The following SNED1 variants were observed in gnomAD, a reference collection of about 807,000 sequenced individuals.
The protein encoded by SNED1 is sushi, nidogen and EGF like domains 1.
A neutral mutation model predicts 166.7 loss-of-function variants in SNED1; 81 were observed. That is an observed-to-expected ratio of 0.49 (90% CI 0.41 to 0.58). SNED1 has a LOEUF of 0.58. Among genes scored for constraint, SNED1 ranks in the 20% least tolerant of loss-of-function variants. SNED1 has a pLI of 0.00. For synonymous variants in SNED1, 762 were observed against 822.0 expected, an observed-to-expected ratio of 0.93 and a Z score of 1.25; for missense variants, 1,604 against 2,000.2, an observed-to-expected ratio of 0.80 and a Z score of 3.78.
At chr2:241,034,765 G>A (rs188384964) in intron 4 of SNED1, 35 bp downstream of exon 4, 25 of 1,503,814 alleles carry the variant, frequency 1.7e-5, no homozygotes, top group East Asian at 1.3e-4. Flanking sequence ...GGGTGGGAGC[G>A]GGCTGAGGAA....
At position 240,998,797 on chromosome 2, in the gene SNED1, C is replaced by T. The variant is rs925090227; in HGVS notation, c.-41C>T. ...CGCGCGCAGCCTAGTCCCCCAGCGCCCTGCTCCGCCAGCGCCCCGTCCCGC... is the reference window on the plus strand; with the variant it reads ...CGCGCGCAGCCTAGTCCCCCAGCGCTCTGCTCCGCCAGCGCCCCGTCCCGC... On this transcript the variant is annotated 5_prime_UTR_variant, in exon 1 of 32. Coordinates refer to ENST00000310397, the MANE Select transcript of SNED1 (RefSeq NM_001080437.3). The T allele has an allele frequency of 7.4e-6, 8 of 1,074,092 alleles. No individual in the cohort carries two copies. The African/African-American group carries it at 1.2e-4, about 16-fold the overall frequency. 66.5% of individuals were successfully genotyped at this position (1,074,092 alleles called of 1,614,324 possible).
chr2:241,028,403 A>G (rs2061051846), intron 1 of SNED1, among the ~76,000 whole-genome samples: 1 of 152,130 alleles, frequency 6.6e-6, no homozygotes, highest in East Asian at 1.9e-4. Flanking sequence ...TGTTTCTTCT[A>G]AGAGTTTTAC....
chr2:241,068,680 C>T lies in SNED1; in HGVS notation c.3195-231C>T, dbSNP rs1221252240. Among the ~76,000 whole-genome samples, 2 of 152,138 alleles carry T rather than the reference C, an allele frequency of 1.3e-5. No individual in the cohort carries two copies. Among genetic ancestry groups the T allele is most frequent in the African/African-American group, 4.8e-5 (2 of 41,424 alleles). On this transcript the variant is annotated intron_variant, in intron 22 of 31. Transcript: ENST00000310397. The surrounding 1 kb of genome is among the most constrained non-coding windows in gnomAD (Gnocchi z 5.3). ...GCCCTCTGACCATACTGTAGCAGCC[C>T]CAAGCGCACCCGATCCTCCTCCGCT...
rs763904658 is a variant in SNED1 at position 241,036,925 on chromosome 2, T to G, written c.931+10T>G. ...CGGAGGTGCCACCTGGGTGAGTGACTGGCCCAGGGCGGGACCACCCGCTGG... is the reference window on the plus strand; with the variant it reads ...CGGAGGTGCCACCTGGGTGAGTGACGGGCCCAGGGCGGGACCACCCGCTGG... On this transcript the variant is annotated intron_variant, in intron 5 of 31. Coordinates refer to ENST00000310397, the MANE Select transcript of SNED1 (RefSeq NM_001080437.3). 2 of 1,606,448 alleles carry G rather than the reference T, an allele frequency of 1.2e-6. No individual in the cohort carries two copies. Among genetic ancestry groups the G allele is most frequent in the African/African-American group, 2.7e-5 (2 of 74,798 alleles).
intron 1 of SNED1, among the ~76,000 whole-genome samples, chr2:241,017,769 G>A (rs1199350789): frequency 6.6e-6 from 1 of 152,198 alleles, no homozygotes; most frequent in African/African-American, 2.4e-5. Context: ...ACCCTCAGGG[G>A]CCCAGGCACA....
chr2:241,087,628 T>C (rs1349256580), intron 30 of SNED1, 153 bp downstream of exon 30: 4 of 1,438,228 alleles, frequency 2.8e-6, no homozygotes, highest in African/African-American at 2.9e-5. Context: ...CACGTTCTGC[T>C]ACGAAACTGT....
At chr2:241,053,003 G>A in intron 15 of SNED1, 150 bp from the exon 16 acceptor site, 1 of 706,890 alleles carries the variant, frequency 1.4e-6, no homozygotes, top group Non-Finnish European at 2.3e-6. Flanking sequence ...CGGCAACCAG[G>A]CCCCAGAAGT....
chr2:241,065,295 G>A lies in SNED1; in HGVS notation c.2714-4G>A. The A allele has an allele frequency of 6.2e-7, 1 of 1,612,482 alleles. No homozygotes were observed. The highest frequency in any genetic ancestry group is 8.5e-7 in the Non-Finnish European group (1 of 1,179,812). On this transcript the variant is annotated splice_polypyrimidine_tract_variant and splice_region_variant and intron_variant, in intron 20 of 31. Coordinates refer to ENST00000310397, the MANE Select transcript of SNED1 (RefSeq NM_001080437.3). The stretch of plus-strand genomic sequence containing the variant: ...CTCCCCTTGTTTTGACCCAAACCCT[G>A]AAGAGCTCTTCCCACCGACGGCCCT...
Position 241,068,960 on chromosome 2 carries a change from G to T in SNED1, c.3244G>T (p.Gly1082Trp). 6.4e-7 allele frequency: 1 copy of T among 1,556,566 alleles called. No homozygotes were observed. The highest frequency in any genetic ancestry group is 1.2e-5 in the South Asian group (1 of 84,318). Residue 1082 changes from glycine to tryptophan, a missense_variant, in exon 23 of 32, where the codon GGG (glycine) becomes TGG (tryptophan). Around this residue, in one of 2 missense-constraint regions of SNED1, gnomAD observed 1,237 missense variants for 1,620.8 expected, o/e 0.76. Transcript: ENST00000310397. This position sits in a 1 kb window ranked among gnomAD's most constrained non-coding sequence, Gnocchi z 5.3. ...RYTIQLTTLSGLRGEEHPTES... is the reference protein window; with the variant it reads ...RYTIQLTTLSWLRGEEHPTES... ...CACCATCCAGCTGACCACCCTCAGT[G>T]GGCTCAGGGGAGAGGAGCACCCCAC...
At chr2:241,088,132 A>C in intron 30 of SNED1, 1 of 536,026 alleles carries the variant, frequency 1.9e-6, no homozygotes, top group Non-Finnish European at 3.3e-6. Context: ...TCTGACTCAC[A>C]GCCAGCCAGG....
At chr2:241,066,960 G>A (rs1243886926) in intron 21 of SNED1, among the ~76,000 whole-genome samples, 1 of 152,242 alleles carries the variant, frequency 6.6e-6, no homozygotes, top group African/African-American at 2.4e-5. Flanking sequence ...GGCCAGTGGA[G>A]AGCCTGGGCG....
chr2:241,014,461 A>C (rs2060514625), intron 1 of SNED1, among the ~76,000 whole-genome samples: 1 of 152,176 alleles, frequency 6.6e-6, no homozygotes, highest in African/African-American at 2.4e-5. Context: ...CGCTTCTGCA[A>C]ATGGAGCAGC....
At chr2:241,021,983 GT>G (rs2060788187) in intron 1 of SNED1, among the ~76,000 whole-genome samples, 1 of 152,102 alleles carries the variant, frequency 6.6e-6, no homozygotes, top group Non-Finnish European at 1.5e-5. Context: ...GGTATCTTGT[GT>G]TTTCAATCTG....
chr2:241,049,267 A>C, intron 11 of SNED1, 132 bp downstream of exon 11: 4 of 663,784 alleles, frequency 6.0e-6, no homozygotes, highest in Admixed American at 4.9e-5. Flanking sequence ...GCACCTGGGG[A>C]AGCCTCTCTC....
At chr2:241,042,959 T>A in intron 8 of SNED1, among the ~76,000 whole-genome samples, 1 of 151,234 alleles carries the variant, frequency 6.6e-6, no homozygotes, top group South Asian at 2.1e-4. Flanking sequence ...GTATTTGGAG[T>A]CTGTGAAGGA....
chr2:241,089,162 C>T, intron 31 of SNED1: 1 of 798,302 alleles, frequency 1.3e-6, no homozygotes, highest in Non-Finnish European at 1.9e-6. Context: ...AAGCCATCTA[C>T]AACCTGTTAC....
chr2:241,073,612 TAG>T lies in SNED1; in HGVS notation c.3916+254_3916+255del, dbSNP rs775780600. 36 of 545,704 alleles carry T rather than the reference TAG, an allele frequency of 6.6e-5. No homozygotes were observed. Among genetic ancestry groups the T allele is most frequent in the Non-Finnish European group, 4.9e-5 (15 of 305,804 alleles). 33.8% of individuals were successfully genotyped at this position (545,704 alleles called of 1,614,324 possible). A position where few individuals can be genotyped will look rare whatever the true frequency, so the allele number is the denominator to read the frequency against. On this transcript the variant is annotated intron_variant, in intron 27 of 31. Transcript: ENST00000310397. The surrounding 1 kb of genome is among the most constrained non-coding windows in gnomAD (Gnocchi z 6.6). ...CACCCAAACCACCCAGAGTCTGAGCTAGAGAGACTGGCTTTGATGCTGCCTCC... is the reference window on the plus strand; with the variant it reads ...CACCCAAACCACCCAGAGTCTGAGCTAGAGACTGGCTTTGATGCTGCCTCC...
At position 241,047,102 on chromosome 2, in the gene SNED1, G is replaced by T. The variant is rs142631283; in HGVS notation, c.1274-1213G>T. Among the ~76,000 whole-genome samples, 779 of 141,254 alleles carry T rather than the reference G, an allele frequency of 5.5e-3. 3 individuals carry two copies. Among genetic ancestry groups the T allele is most frequent in the African/African-American group, 0.019 (731 of 37,698 alleles). The allele number at this position is 141,254 out of a possible 152,430, so 92.7% of individuals were successfully genotyped here. ...GGAGGTTGCAGTGAGCCGAGATCGC[G>T]CCACTGCACTGCACTCCAGCCTGGC... On this transcript the variant is annotated intron_variant, in intron 8 of 31. Transcript: ENST00000310397.
intron 2 of SNED1, 121 bp from the exon 3 acceptor site, chr2:241,033,614 C>A: frequency 8.5e-7 from 1 of 1,171,914 alleles, no homozygotes; most frequent in Non-Finnish European, 1.2e-6. Context: ...CTGGAAGACA[C>A]AGACATTGAG....
Sources: gnomAD v4.1 joint callset for allele counts (sites outside exome capture counted in the v4.1 genomes callset) on GRCh38, gnomAD v4.1.1 for gene constraint, gnomAD v4.1.1 regional missense constraint, Gnocchi (gnomAD v3.1) non-coding constraint, MANE v1.5 for transcripts, NCBI Gene and HGNC (gene_info 2026-07-23, HGNC 2026-07-21) for gene names.